SMIM10L3: variants seen among roughly 807,000 people sequenced by gnomAD.
The protein encoded by SMIM10L3 is small integral membrane protein 10 like 3.
At chr7:6,333,168 C>CAAAAAAAAAAAAA in the SMIM10L3 span, among the ~76,000 whole-genome samples, 9 of 127,962 alleles carry the variant, frequency 7.0e-5, no homozygotes, top group Non-Finnish European at 1.4e-4. Context: ...ATAAAAAAAT[C>CAAAAAAAAAAAAA]AAAAAAAAAA....
At chr7:6,330,322 T>A in the SMIM10L3 span, 1 of 1,518,456 alleles carries the variant, frequency 6.6e-7, no homozygotes, top group South Asian at 1.3e-5. Flanking sequence ...GCGAAAGAAA[T>A]CATTCTAAGA....
chr7:6,334,585 G>A, the SMIM10L3 span, among the ~76,000 whole-genome samples: 2 of 151,848 alleles, frequency 1.3e-5, no homozygotes, highest in South Asian at 2.1e-4. Context: ...TCCTGCCTAA[G>A]CCTCCTGAGT....
the SMIM10L3 span, among the ~76,000 whole-genome samples, chr7:6,335,475 G>A: frequency 4.4e-4 from 67 of 152,070 alleles, no homozygotes; most frequent in African/African-American, 1.5e-3. Context: ...TGATCTGCCC[G>A]CCTCAGCCTC....
the SMIM10L3 span, among the ~76,000 whole-genome samples, chr7:6,348,232 A>AGGGGGGGG: frequency 1.4e-5 from 2 of 145,172 alleles, no homozygotes; most frequent in Non-Finnish European, 3.0e-5. Flanking sequence ...ATTAAAAATA[A>AGGGGGGGG]GGGGGGGGGT....
At chr7:6,338,425 G>A in the SMIM10L3 span, among the ~76,000 whole-genome samples, 1 of 152,094 alleles carries the variant, frequency 6.6e-6, no homozygotes, top group Non-Finnish European at 1.5e-5. Flanking sequence ...TACCAAAGCT[G>A]AGACCACCAG....
chr7:6,335,884 A>G, the SMIM10L3 span, among the ~76,000 whole-genome samples: 1 of 151,984 alleles, frequency 6.6e-6, no homozygotes, highest in Non-Finnish European at 1.5e-5. Context: ...AAAAATTTTA[A>G]AAGAGTGGCC....
the SMIM10L3 span, among the ~76,000 whole-genome samples, chr7:6,347,613 C>T: frequency 1.3e-5 from 2 of 152,080 alleles, no homozygotes; most frequent in Non-Finnish European, 2.9e-5. Context: ...TGGTTCCAGG[C>T]CTCTGAGACG....
chr7:6,331,738 CTTTTTTT>C, the SMIM10L3 span, among the ~76,000 whole-genome samples: 39 of 117,738 alleles, frequency 3.3e-4, no homozygotes, highest in African/African-American at 1.1e-3. Flanking sequence ...ATAATAGAGG[CTTTTTTT>C]TTTTTTTTTT....
chr7:6,348,917 G>A, the SMIM10L3 span: 8 of 385,658 alleles, frequency 2.1e-5, no homozygotes, highest in Non-Finnish European at 3.2e-5. Context: ...CGTCACGCTC[G>A]GAGAAGTGCC....
the SMIM10L3 span, among the ~76,000 whole-genome samples, chr7:6,333,572 C>T: frequency 6.6e-6 from 1 of 152,018 alleles, no homozygotes; most frequent in Non-Finnish European, 1.5e-5. Flanking sequence ...GATCACAGCT[C>T]ACTGCAGCCT....
chr7:6,340,627 C>G, the SMIM10L3 span, among the ~76,000 whole-genome samples: 2 of 152,092 alleles, frequency 1.3e-5, no homozygotes, highest in African/African-American at 4.8e-5. Context: ...TGAGTGCTGG[C>G]TGGGCATGGT....
the SMIM10L3 span, among the ~76,000 whole-genome samples, chr7:6,337,046 A>G: frequency 2.6e-5 from 4 of 151,952 alleles, no homozygotes; most frequent in African/African-American, 9.7e-5. Context: ...ATATATTTCA[A>G]TATATGTTGA....
the SMIM10L3 span, chr7:6,330,252 C>A: frequency 1.1e-6 from 1 of 949,448 alleles, no homozygotes; most frequent in Non-Finnish European, 1.6e-6. Context: ...TTAAGTCTGC[C>A]AGGTCGTACA....
the SMIM10L3 span, among the ~76,000 whole-genome samples, chr7:6,343,443 T>C: frequency 5.9e-5 from 6 of 101,814 alleles, no homozygotes; most frequent in South Asian, 1.3e-3. Context: ...TATATATATA[T>C]ATGATCTAGG....
chr7:6,343,373 G>A, the SMIM10L3 span, among the ~76,000 whole-genome samples: 12 of 134,838 alleles, frequency 8.9e-5, no homozygotes, highest in Admixed American at 2.4e-4. Flanking sequence ...GTGAAACTCC[G>A]TCTCAAAAAA....
At chr7:6,342,854 T>C in the SMIM10L3 span, among the ~76,000 whole-genome samples, 6 of 151,244 alleles carry the variant, frequency 4.0e-5, no homozygotes, top group Admixed American at 6.6e-5. Flanking sequence ...CTGGGCAACA[T>C]AGTGAGACCC....
the SMIM10L3 span, among the ~76,000 whole-genome samples, chr7:6,334,772 G>C: frequency 6.8e-6 from 1 of 146,140 alleles, no homozygotes; most frequent in Non-Finnish European, 1.5e-5. Flanking sequence ...AGCCTGGATA[G>C]TTAGTTAGTT....
chr7:6,330,738 G>A, the SMIM10L3 span: 10 of 1,613,986 alleles, frequency 6.2e-6, no homozygotes, highest in East Asian at 4.5e-5. Flanking sequence ...CTCTGTGGCC[G>A]TCAGTGGCCC....
At chr7:6,338,888 C>T in the SMIM10L3 span, among the ~76,000 whole-genome samples, 12 of 152,312 alleles carry the variant, frequency 7.9e-5, no homozygotes, top group Admixed American at 3.3e-4. Flanking sequence ...CCAGCAGGGC[C>T]GCGGTGGGCC....
Sources: gnomAD v4.1 joint callset for allele counts (sites outside exome capture counted in the v4.1 genomes callset) on GRCh38, gnomAD v4.1.1 for gene constraint, MANE v1.5 for transcripts, NCBI Gene and HGNC (gene_info 2026-07-23, HGNC 2026-07-21) for gene names.